SLC11A2: variants seen among roughly 807,000 people sequenced by gnomAD.
SLC11A2 encodes the protein natural resistance-associated macrophage protein 2.
SLC11A2 carries 38 observed loss-of-function variants against 68.0 expected under a neutral mutation model. The observed-to-expected ratio is 0.56, with a 90% CI of 0.43 to 0.73. SLC11A2 has a LOEUF of 0.73. Ranked by LOEUF, SLC11A2 falls within the 30% of genes least tolerant of loss-of-function variation. SLC11A2 has a pLI of 0.00. For missense variants in SLC11A2, 517 were observed against 690.5 expected, an observed-to-expected ratio of 0.75 and a Z score of 2.82; for synonymous variants, 242 against 250.6, an observed-to-expected ratio of 0.97 and a Z score of 0.32.
chr12:51,027,099 C>T (rs531031887), upstream of SLC11A2, among the ~76,000 whole-genome samples: 1 of 152,160 alleles, frequency 6.6e-6, no homozygotes, highest in South Asian at 2.1e-4. Context: ...TCGCTTGAAC[C>T]CGGGAGGCGG....
At chr12:50,979,046 T>C (rs892939412), downstream of SLC11A2, among the ~76,000 whole-genome samples, 2 of 152,200 alleles carry the variant, frequency 1.3e-5, no homozygotes, top group East Asian at 1.9e-4. Flanking sequence ...ATTGACTCTA[T>C]AGTGTTGAAC....
Position 50,999,165 on chromosome 12 carries a change from A to T in SLC11A2, c.675+9T>A. ...TTTAAGAAGCTAATGAATATCCTGT[A>T]CCACTTGCCTCATATCCAAATGTGA... On this transcript the variant is annotated intron_variant, in intron 8 of 15. Transcript: ENST00000262052. The T allele has an allele frequency of 6.2e-7, 1 of 1,603,020 alleles. No individual in the cohort carries two copies. The highest frequency in any genetic ancestry group is 8.5e-7 in the Non-Finnish European group (1 of 1,169,882).
chr12:51,015,499 T>TAA (rs58477796), intron 1 of SLC11A2, among the ~76,000 whole-genome samples: 92 of 131,458 alleles, frequency 7.0e-4, no homozygotes, highest in African/African-American at 2.4e-3. Context: ...ATTAAATAGT[T>TAA]AAAAAAAAAA....
At chr12:50,954,753 A>C in the SLC11A2 span, among the ~76,000 whole-genome samples, 3 of 152,128 alleles carry the variant, frequency 2.0e-5, no homozygotes, top group African/African-American at 4.8e-5. Flanking sequence ...TAAACAAAAA[A>C]CCAAAAACTT....
chr12:51,011,753 CG>C (rs962651896), intron 1 of SLC11A2, among the ~76,000 whole-genome samples: 1 of 151,270 alleles, frequency 6.6e-6, no homozygotes, highest in African/African-American at 2.4e-5. Flanking sequence ...AGTAGAGACA[CG>C]GTTTGACCAT....
chr12:51,010,626 T>A, intron 2 of SLC11A2, 69 bp downstream of exon 2: 1 of 898,640 alleles, frequency 1.1e-6, no homozygotes, highest in Non-Finnish European at 1.9e-6. Flanking sequence ...AAAAATATGA[T>A]AAATTTCTGT....
At chr12:50,968,833 C>T in the SLC11A2 span, among the ~76,000 whole-genome samples, 13,898 of 151,698 alleles carry the variant, frequency 0.092, 938 homozygotes, top group African/African-American at 0.19. Context: ...TGAGCCACCA[C>T]GCCTGACCCT....
At chr12:50,979,969 T>G, downstream of SLC11A2, 1 of 454,092 alleles carries the variant, frequency 2.2e-6, no homozygotes, top group Non-Finnish European at 4.4e-6. Flanking sequence ...CTCACGCCTA[T>G]AATCTCAGCA....
chr12:50,988,809 C>T (rs575130019), intron 15 of SLC11A2, among the ~76,000 whole-genome samples: 174 of 152,122 alleles, frequency 1.1e-3, no homozygotes, highest in African/African-American at 3.9e-3. Context: ...AATTCCTGGG[C>T]TCAAGCAATC....
downstream of SLC11A2, chr12:50,979,624 A>C (rs981682733): frequency 3.1e-6 from 1 of 321,708 alleles, no homozygotes; most frequent in African/African-American, 2.2e-5. Context: ...TCTCAGTTTT[A>C]AGATCAGAAG....
chr12:51,000,433 A>G lies in SLC11A2; in HGVS notation c.430-14T>C, dbSNP rs367643204. On this transcript the variant is annotated splice_polypyrimidine_tract_variant and intron_variant, in intron 5 of 15. Transcript: ENST00000262052. Reference sequence around the variant, plus strand: ...GACTCGTGGGACCTAAACATCAAACAGTAGAAAGACACGGTTCTGATTAAT... The same window carrying G: ...GACTCGTGGGACCTAAACATCAAACGGTAGAAAGACACGGTTCTGATTAAT... 1.8e-5 allele frequency: 29 copies of G among 1,578,836 alleles called. No homozygotes were observed. In the East Asian group the frequency reaches 6.0e-4, roughly 33 times the overall value.
At chr12:50,994,029 T>C (rs370432936) in intron 11 of SLC11A2, among the ~76,000 whole-genome samples, 11 of 128,620 alleles carry the variant, frequency 8.6e-5, no homozygotes, top group African/African-American at 3.1e-4. Context: ...CTGGGGTGTA[T>C]ACTGCATCTT....
chr12:50,991,567 T>A, intron 14 of SLC11A2, 32 bp downstream of exon 14: 4 of 1,570,752 alleles, frequency 2.5e-6, no homozygotes, highest in Non-Finnish European at 3.5e-6. Flanking sequence ...CATATCAGCA[T>A]CCCCTTTGGG....
chr12:51,019,817 G>GT (rs1242813295), intron 1 of SLC11A2, among the ~76,000 whole-genome samples: 1 of 151,540 alleles, frequency 6.6e-6, no homozygotes, highest in Non-Finnish European at 1.5e-5. Flanking sequence ...GCCAATTTTT[G>GT]TATTTGTTGT....
chr12:50,961,098 T>C, the SLC11A2 span: 12 of 1,613,750 alleles, frequency 7.4e-6, no homozygotes, highest in Non-Finnish European at 1.0e-5. Context: ...GAGCTGTGAC[T>C]CTAGGTAACC....
chr12:51,020,807 G>A (rs866410456), intron 1 of SLC11A2, among the ~76,000 whole-genome samples: 5 of 152,122 alleles, frequency 3.3e-5, no homozygotes, highest in African/African-American at 1.2e-4. Context: ...CAATTACATT[G>A]TATTAAGTAT....
intron 1 of SLC11A2, 114 bp downstream of exon 1, chr12:51,026,196 G>T: frequency 8.5e-7 from 1 of 1,181,178 alleles, no homozygotes; most frequent in African/African-American, 1.7e-5. Context: ...ACGGCGAGCC[G>T]GTGTCGCATC....
the SLC11A2 span, among the ~76,000 whole-genome samples, chr12:50,959,242 C>T: frequency 6.6e-6 from 1 of 152,098 alleles, no homozygotes; most frequent in South Asian, 2.1e-4. Context: ...GCCTCAGCCT[C>T]CTGAGTAGCT....
chr12:50,952,322 C>T, the SLC11A2 span, among the ~76,000 whole-genome samples: 1 of 152,134 alleles, frequency 6.6e-6, no homozygotes, highest in African/African-American at 2.4e-5. Context: ...AATGCGGGTA[C>T]CAGACACACA....
Sources: allele counts gnomAD v4.1 joint callset (sites outside exome capture counted in the v4.1 genomes callset), GRCh38; gene constraint gnomAD v4.1.1; transcripts MANE v1.5; gene names NCBI Gene and HGNC (gene_info 2026-07-23, HGNC 2026-07-21).